The following INPP4A variants were observed in gnomAD, a reference collection of about 807,000 sequenced individuals.
The protein encoded by INPP4A is inositol polyphosphate-4-phosphatase type I A, also known as inositol polyphosphate-4-phosphatase, type I, 107kD.
A neutral mutation model predicts 119.8 loss-of-function variants in INPP4A; 33 were observed. That is an observed-to-expected ratio of 0.28 (90% CI 0.21 to 0.37). The LOEUF (loss-of-function observed/expected upper bound fraction) is 0.37, where lower values mean the gene tolerates loss of function less well. Ranked by LOEUF, INPP4A falls within the 10% of genes least tolerant of loss-of-function variation. The probability of loss-of-function intolerance (pLI) is 1.00; values close to 1 mark genes in which losing one functional copy is unlikely to be tolerated. For missense variants in INPP4A, 956 were observed against 1,289.9 expected (o/e 0.74, Z 3.97); for synonymous variants, 496 against 500.7 (o/e 0.99, Z 0.12).
intron 16 of INPP4A, among the ~76,000 whole-genome samples, chr2:98,556,959 A>C (rs1346618173): frequency 6.6e-6 from 1 of 152,020 alleles, no homozygotes; most frequent in Non-Finnish European, 1.5e-5. Context: ...TTTTATGTGA[A>C]TCGTGTTCCT....
At chr2:98,581,415 C>T (rs763469998) in intron 24 of INPP4A, among the ~76,000 whole-genome samples, 6 of 151,858 alleles carry the variant, frequency 4.0e-5, no homozygotes, top group Non-Finnish European at 5.9e-5. Flanking sequence ...TCTTTTCTTT[C>T]TATTGTGACT....
chr2:98,550,182 C>T (rs1312672678), intron 13 of INPP4A, among the ~76,000 whole-genome samples: 6 of 152,098 alleles, frequency 3.9e-5, no homozygotes, highest in Admixed American at 3.9e-4. Flanking sequence ...CAATCTGGGC[C>T]TGGTCACCCC....
rs371663327 is a variant in INPP4A at position 98,573,114 on chromosome 2, G to A, written c.2631+187G>A. On this transcript the variant is annotated intron_variant, in intron 23 of 24. Transcript: ENST00000409851. ...AGTTCACAGAGTCCATTCCTTTGGG[G>A]CTGCCTGAATTCTGATAAGCTTAAC... 2.6e-4 allele frequency among the ~76,000 whole-genome samples: 40 copies of A among 152,276 alleles called. 1 individual carries two copies. The South Asian group carries it at 6.6e-3, about 25-fold the overall frequency.
rs1559094331 is a variant in INPP4A, at chr2:98,568,580, T to TA, written c.2431dup (p.Thr811AsnfsTer20). On this transcript the variant is annotated frameshift_variant, in exon 22 of 25. Transcript: ENST00000409851. LOFTEE classifies it high-confidence loss of function. ...CCTATAACCTCCCAAGGTTTGGCGATACGTCTTTACAAGAAGTCATCAACG... is the reference window on the plus strand; with the variant it reads ...CCTATAACCTCCCAAGGTTTGGCGATAACGTCTTTACAAGAAGTCATCAACG... 2 of 1,588,872 alleles carry TA rather than the reference T, an allele frequency of 1.3e-6. No individual in the cohort carries two copies. Among genetic ancestry groups the TA allele is most frequent in the Admixed American group, 1.7e-5 (1 of 57,280 alleles).
chr2:98,468,897 G>T (rs1268903061), intron 1 of INPP4A, among the ~76,000 whole-genome samples: 1 of 151,662 alleles, frequency 6.6e-6, no homozygotes, highest in Non-Finnish European at 1.5e-5. Context: ...GCCTCCCACA[G>T]TGGTTGCTGA....
chr2:98,517,535 T>C (rs748549680), intron 1 of INPP4A, among the ~76,000 whole-genome samples: 14 of 152,224 alleles, frequency 9.2e-5, no homozygotes, highest in Non-Finnish European at 1.9e-4. Context: ...TTGTCATTTT[T>C]GCTATTCCAG....
At chr2:98,539,036 C>T in intron 9 of INPP4A, 55 bp downstream of exon 9, 1 of 1,007,138 alleles carries the variant, frequency 9.9e-7, no homozygotes, top group South Asian at 1.5e-5. Context: ...TCCACTTGGG[C>T]CCGCAGTCCC....
At chr2:98,487,579 T>TTTG (rs1482306374) in intron 1 of INPP4A, among the ~76,000 whole-genome samples, 1 of 152,142 alleles carries the variant, frequency 6.6e-6, no homozygotes, top group Non-Finnish European at 1.5e-5. Context: ...CAATGGTTTT[T>TTTG]TTGTTGTTGT....
At chr2:98,498,350 G>A (rs756752613) in intron 1 of INPP4A, among the ~76,000 whole-genome samples, 2 of 151,974 alleles carry the variant, frequency 1.3e-5, no homozygotes, top group Admixed American at 6.6e-5. Flanking sequence ...ATTCTCTCTT[G>A]CTTTCTGCGA....
At chr2:98,503,952 A>T (rs1239701661) in intron 1 of INPP4A, among the ~76,000 whole-genome samples, 1 of 152,208 alleles carries the variant, frequency 6.6e-6, no homozygotes, top group East Asian at 1.9e-4. Context: ...GGTTGAACTT[A>T]CTCAACCACA....
intron 17 of INPP4A, 104 bp downstream of exon 17, chr2:98,559,599 G>T: frequency 1.6e-6 from 2 of 1,244,372 alleles, no homozygotes; most frequent in South Asian, 2.7e-5. Context: ...TCCCAGAGTT[G>T]GGAAAGTATT....
At position 98,446,537 on chromosome 2, in the gene INPP4A, G is replaced by T. The variant is rs566253898; in HGVS notation, c.-166+1452G>T. Among the ~76,000 whole-genome samples the T allele has an allele frequency of 2.6e-5, 4 of 152,220 alleles. No homozygotes were observed. In the South Asian group the frequency reaches 6.2e-4, roughly 24 times the overall value. Reference sequence around the variant, plus strand: ...ATTCCCTGTGATGTCTAGTAAACACGCCTGTGAAGCCAGAGCTGCTTGGTA... The same window carrying T: ...ATTCCCTGTGATGTCTAGTAAACACTCCTGTGAAGCCAGAGCTGCTTGGTA... On this transcript the variant is annotated intron_variant, in intron 1 of 24. Transcript: ENST00000409851.
At chr2:98,473,358 G>A (rs1041955358) in intron 1 of INPP4A, among the ~76,000 whole-genome samples, 3 of 151,416 alleles carry the variant, frequency 2.0e-5, no homozygotes, top group African/African-American at 2.4e-5. Flanking sequence ...GGAGAGTGAG[G>A]AGGGCAGTGT....
At chr2:98,503,308 C>T (rs983282967) in intron 1 of INPP4A, among the ~76,000 whole-genome samples, 18 of 152,198 alleles carry the variant, frequency 1.2e-4, no homozygotes, top group Admixed American at 1.2e-3. Flanking sequence ...TCACTGCCTG[C>T]AAGCTAAAAC....
chr2:98,470,642 G>A (rs1236908473), intron 1 of INPP4A, among the ~76,000 whole-genome samples: 1 of 152,160 alleles, frequency 6.6e-6, no homozygotes. Context: ...TGTTGCAGGA[G>A]GAGCTGGAAG....
chr2:98,540,477 G>A (rs1393486658), intron 10 of INPP4A, among the ~76,000 whole-genome samples: 1 of 152,210 alleles, frequency 6.6e-6, no homozygotes, highest in Non-Finnish European at 1.5e-5. Flanking sequence ...AGGTGGCCCA[G>A]GCCGTGCATA....
Position 98,510,526 on chromosome 2 carries a change from T to TA in INPP4A, c.-165-8437dup, listed in dbSNP as rs562545433. Among the ~76,000 whole-genome samples, 32 of 152,322 alleles carry TA rather than the reference T, an allele frequency of 2.1e-4. 1 individual carries two copies. The East Asian group carries it at 4.8e-3, about 23-fold the overall frequency. On this transcript the variant is annotated intron_variant, in intron 1 of 24. Transcript: ENST00000409851. ...TGGATGTTGGGAAGGCGCTGGCATT[T>TA]AGGGTCTGCTGAGGGCCTTCTTGCC...
chr2:98,542,592 A>T (rs1005166433), intron 10 of INPP4A, among the ~76,000 whole-genome samples: 2 of 151,934 alleles, frequency 1.3e-5, no homozygotes, highest in Non-Finnish European at 2.9e-5. Flanking sequence ...TTAGCTACCG[A>T]TTTTCTATGC....
At chr2:98,485,927 A>G (rs1679443003) in intron 1 of INPP4A, among the ~76,000 whole-genome samples, 1 of 152,192 alleles carries the variant, frequency 6.6e-6, no homozygotes, top group African/African-American at 2.4e-5. Context: ...TGTGATTTCC[A>G]GACACTCTTC....
Sources: allele counts gnomAD v4.1 joint callset (sites outside exome capture counted in the v4.1 genomes callset), GRCh38; gene constraint gnomAD v4.1.1; transcripts MANE v1.5; gene names NCBI Gene and HGNC (gene_info 2026-07-23, HGNC 2026-07-21).